Variants in TXLNB observed in about 807,000 individuals in gnomAD.
TXLNB encodes beta-taxilin.
In TXLNB, 37 loss-of-function variants were observed where a neutral mutation model predicts 57.4. The observed-to-expected ratio is 0.64, with a 90% CI of 0.50 to 0.85. TXLNB has a LOEUF of 0.85. Among genes scored for constraint, TXLNB ranks in the 40% least tolerant of loss-of-function variants. The pLI is 0.00. For synonymous variants in TXLNB, 302 were observed against 309.6 expected (o/e 0.98, Z 0.26); for missense variants, 848 against 825.6 (o/e 1.03, Z -0.33).
chr6:139,214,621 C>A, the TXLNB span, among the ~76,000 whole-genome samples: 72 of 152,286 alleles, frequency 4.7e-4, no homozygotes, highest in East Asian at 9.5e-3. Flanking sequence ...GTTGGAAGTT[C>A]TGGCCAGGGC....
the TXLNB span, among the ~76,000 whole-genome samples, chr6:139,188,720 G>T: frequency 6.6e-6 from 1 of 152,058 alleles, no homozygotes; most frequent in African/African-American, 2.4e-5. Flanking sequence ...GAAAAATTGT[G>T]TTGGAATCTC....
At chr6:139,192,624 T>C in the TXLNB span, among the ~76,000 whole-genome samples, 1 of 152,110 alleles carries the variant, frequency 6.6e-6, no homozygotes, top group African/African-American at 2.4e-5. Flanking sequence ...AAGAGGAGGA[T>C]TGTTTTCACT....
At chr6:139,175,289 G>C in the TXLNB span, among the ~76,000 whole-genome samples, 2 of 152,320 alleles carry the variant, frequency 1.3e-5, no homozygotes, top group Non-Finnish European at 2.9e-5. Flanking sequence ...CTCATGGGCA[G>C]GAGAGAAATT....
In TXLNB at chr6:139,260,944, G is replaced by A. The variant is rs145557861; in HGVS notation, c.883-507C>T. ...GCCTTGGGGTGCCAGCATGTGGTCCGAGGTCTGGGAGTGAGGCCTGAGCCC... is the reference window on the plus strand; with the variant it reads ...GCCTTGGGGTGCCAGCATGTGGTCCAAGGTCTGGGAGTGAGGCCTGAGCCC... On this transcript the variant is annotated intron_variant, in intron 5 of 9. Transcript: ENST00000358430. Among the ~76,000 whole-genome samples the A allele has an allele frequency of 1.8e-3, 278 of 152,264 alleles. 4 individuals carry two copies. The highest frequency in any genetic ancestry group is 0.014 in the Middle Eastern group (4 of 294).
At chr6:139,275,163 G>T (rs1776861393) in intron 3 of TXLNB, among the ~76,000 whole-genome samples, 1 of 151,968 alleles carries the variant, frequency 6.6e-6, no homozygotes, top group African/African-American at 2.4e-5. Context: ...TCATAAAAAA[G>T]AAGGAAAAAG....
the TXLNB span, among the ~76,000 whole-genome samples, chr6:139,210,648 G>A: frequency 6.6e-6 from 1 of 152,388 alleles, no homozygotes; most frequent in South Asian, 2.1e-4. Context: ...GACAGTGGGT[G>A]CAGTGCACCG....
chr6:139,228,848 T>C, the TXLNB span, among the ~76,000 whole-genome samples: 1 of 152,156 alleles, frequency 6.6e-6, no homozygotes, highest in Non-Finnish European at 1.5e-5. Flanking sequence ...CCAAATAGTC[T>C]CCTGCCCCAC....
chr6:139,190,497 G>C, the TXLNB span, among the ~76,000 whole-genome samples: 3 of 151,988 alleles, frequency 2.0e-5, no homozygotes, highest in African/African-American at 7.2e-5. Context: ...TTTTAGTAGA[G>C]ACGGGGTTTC....
chr6:139,262,520 C>T, intron 5 of TXLNB, 59 bp downstream of exon 5: 4 of 1,433,122 alleles, frequency 2.8e-6, no homozygotes, highest in East Asian at 2.4e-5. Flanking sequence ...CAAGTTCCCA[C>T]CTTTAGCTCC....
chr6:139,208,204 T>G, the TXLNB span, among the ~76,000 whole-genome samples: 18 of 152,224 alleles, frequency 1.2e-4, no homozygotes, highest in East Asian at 3.5e-3. Flanking sequence ...AGGAGATGGA[T>G]AAATTCCTGA....
chr6:139,238,327 G>A (rs1244356234), downstream of TXLNB, among the ~76,000 whole-genome samples: 1 of 152,188 alleles, frequency 6.6e-6, no homozygotes, highest in Non-Finnish European at 1.5e-5. Context: ...CTGGGAGGTG[G>A]AGGTTGCAGT....
the TXLNB span, chr6:139,177,455 TACTAAAA>T: frequency 1.8e-5 from 3 of 167,210 alleles, no homozygotes; most frequent in African/African-American, 7.2e-5. The surrounding 1 kb of genome is among the most constrained non-coding windows in gnomAD (Gnocchi z 4.9). Flanking sequence ...AGGAAACTCT[TACTAAAA>T]TGTTAACTTT....
chr6:139,176,543 A>G, the TXLNB span, among the ~76,000 whole-genome samples: 10,256 of 152,172 alleles, frequency 0.067, 497 homozygotes, highest in African/African-American at 0.14. The surrounding 1 kb of genome is among the most constrained non-coding windows in gnomAD (Gnocchi z 4.5). Flanking sequence ...GGGAAATTTT[A>G]TTTTTACATC....
intron 2 of TXLNB, among the ~76,000 whole-genome samples, chr6:139,285,729 C>T (rs1313807178): frequency 2.8e-5 from 4 of 145,120 alleles, no homozygotes; most frequent in African/African-American, 1.0e-4. Context: ...AAGAGTGATG[C>T]CATCGTAAAG....
chr6:139,183,481 T>G, the TXLNB span: 10 of 152,326 alleles, frequency 6.6e-5, no homozygotes, highest in East Asian at 3.9e-4. Flanking sequence ...AGTTAATTTT[T>G]TTGTTGTTGC....
intron 5 of TXLNB, among the ~76,000 whole-genome samples, chr6:139,261,599 C>A (rs994205936): frequency 3.3e-5 from 5 of 152,118 alleles, no homozygotes; most frequent in South Asian, 4.2e-4. Flanking sequence ...TTGGGTATAA[C>A]AAAAGACCTT....
At chr6:139,274,941 A>G (rs543877162) in intron 3 of TXLNB, among the ~76,000 whole-genome samples, 1 of 152,302 alleles carries the variant, frequency 6.6e-6, no homozygotes, top group East Asian at 1.9e-4. Flanking sequence ...ATTTGGGGAG[A>G]AAATATTATT....
the TXLNB span, among the ~76,000 whole-genome samples, chr6:139,323,253 T>C: frequency 1.3e-5 from 2 of 151,816 alleles, no homozygotes; most frequent in Non-Finnish European, 2.9e-5. Flanking sequence ...AGATGTATTA[T>C]AGTGACCCCA....
chr6:139,238,475 G>A (rs559948774), downstream of TXLNB, among the ~76,000 whole-genome samples: 12 of 152,234 alleles, frequency 7.9e-5, no homozygotes, highest in East Asian at 1.2e-3. Flanking sequence ...TTATACCTCC[G>A]TATTTATGTA....
Sources: gnomAD v4.1 joint callset for allele counts (sites outside exome capture counted in the v4.1 genomes callset) on GRCh38, gnomAD v4.1.1 for gene constraint, Gnocchi (gnomAD v3.1) non-coding constraint, MANE v1.5 for transcripts, NCBI Gene and HGNC (gene_info 2026-07-23, HGNC 2026-07-21) for gene names.